CARMIL1: variants seen among roughly 807,000 people sequenced by gnomAD.
CARMIL1 encodes the protein capping protein regulator and myosin 1 linker 1, also known as F-actin-uncapping protein LRRC16A.
A neutral mutation model predicts 177.1 loss-of-function variants in CARMIL1; 90 were observed. The ratio of observed to expected loss-of-function variants is 0.51; its 90% CI spans 0.43 to 0.61. CARMIL1 has a LOEUF of 0.61. CARMIL1 is among the 20% of genes least tolerant of loss of function. The probability of loss-of-function intolerance (pLI) is 0.00; values close to 1 mark genes in which losing one functional copy is unlikely to be tolerated. For missense variants in CARMIL1, 1,380 were observed against 1,667.0 expected, an observed-to-expected ratio of 0.83 and a Z score of 3.00; for synonymous variants, 577 against 606.2, an observed-to-expected ratio of 0.95 and a Z score of 0.71.
rs568919743 is a variant in CARMIL1 at position 25,284,798 on chromosome 6, C to CTT, written c.41-5_41-4dup. The CTT allele has an allele frequency of 4.0e-4, 493 of 1,226,536 alleles. No individual in the cohort carries two copies. The highest frequency in any genetic ancestry group is 4.8e-4 in the Non-Finnish European group (424 of 887,398). 76.0% of individuals were successfully genotyped at this position (1,226,536 alleles called of 1,614,324 possible). A position where few individuals can be genotyped will look rare whatever the true frequency, so the allele number is the denominator to read the frequency against. ...TTTTTTCTTATTAATAACATAATTC[C>CTT]TTTTTTTTTTCAGAAAGCATAAAGG... is the stretch of plus-strand genomic sequence containing the variant. On this transcript the variant is annotated splice_polypyrimidine_tract_variant and intron_variant, in intron 1 of 36. Coordinates refer to ENST00000329474, the MANE Select transcript of CARMIL1 (RefSeq NM_017640.6).
chr6:25,520,223 ATTAT>A lies in CARMIL1; in HGVS notation c.1875-18_1875-15del. ...TAGGAAGTTATTTTTAAATAAGTAT[ATTAT>A]TTTCTCCTTTTTCTAGGAACTACAC... is the stretch of plus-strand genomic sequence containing the variant. On this transcript the variant is annotated splice_polypyrimidine_tract_variant and intron_variant, in intron 22 of 36. Transcript: ENST00000329474. 1 of 1,149,134 alleles carries A rather than the reference ATTAT, an allele frequency of 8.7e-7. No homozygotes were observed. The highest frequency in any genetic ancestry group is 1.2e-6 in the Non-Finnish European group (1 of 802,460). 71.2% of individuals were successfully genotyped at this position (1,149,134 alleles called of 1,614,324 possible). A position where few individuals can be genotyped will look rare whatever the true frequency, so the allele number is the denominator to read the frequency against.
intron 28 of CARMIL1, among the ~76,000 whole-genome samples, chr6:25,555,420 G>T (rs1460993202): frequency 2.0e-5 from 3 of 146,834 alleles, no homozygotes; most frequent in Non-Finnish European, 3.0e-5. Context: ...CATTCATTCA[G>T]GATGGAGTCT....
At chr6:25,490,288 A>G (rs1803074724) in intron 13 of CARMIL1, among the ~76,000 whole-genome samples, 1 of 152,240 alleles carries the variant, frequency 6.6e-6, no homozygotes, top group African/African-American at 2.4e-5. Context: ...GAGCAAAGCC[A>G]CAGTAAACTT....
At chr6:25,536,282 AT>A (rs1808294285) in intron 24 of CARMIL1, among the ~76,000 whole-genome samples, 1 of 152,158 alleles carries the variant, frequency 6.6e-6, no homozygotes, top group Non-Finnish European at 1.5e-5. Flanking sequence ...ATCAATTAAG[AT>A]TTTAAAAAAC....
intron 31 of CARMIL1, among the ~76,000 whole-genome samples, chr6:25,586,465 C>T (rs1480965976): frequency 6.8e-6 from 1 of 147,010 alleles, no homozygotes; most frequent in African/African-American, 2.7e-5. Flanking sequence ...CTCCTCACTT[C>T]CCAGACTGGG....
chr6:25,544,012 G>A (rs1037144474), intron 26 of CARMIL1, among the ~76,000 whole-genome samples: 5 of 151,974 alleles, frequency 3.3e-5, no homozygotes, highest in Admixed American at 6.6e-5. Flanking sequence ...AAACAAAATC[G>A]GATTATCATA....
intron 2 of CARMIL1, among the ~76,000 whole-genome samples, chr6:25,334,586 T>C (rs1786023324): frequency 6.6e-6 from 1 of 152,256 alleles, no homozygotes; most frequent in Non-Finnish European, 1.5e-5. Context: ...GATTTTGTTA[T>C]CATTTAAAAC....
chr6:25,569,862 G>T (rs1395718277), intron 29 of CARMIL1, among the ~76,000 whole-genome samples: 1 of 151,840 alleles, frequency 6.6e-6, no homozygotes, highest in Non-Finnish European at 1.5e-5. Context: ...TACTCAGTAG[G>T]GTTTTCCCCT....
At chr6:25,590,624 A>T (rs7738866) in intron 31 of CARMIL1, among the ~76,000 whole-genome samples, 23,174 of 151,902 alleles carry the variant, frequency 0.15, 1,856 homozygotes, top group Middle Eastern at 0.21. Flanking sequence ...TGTGCATGTG[A>T]TACTTGTATG....
In CARMIL1 at chr6:25,471,254, G is replaced by A; in HGVS notation, c.776G>A (p.Arg259Lys). ...TTGGTGTTGGAAAATGCTGGACTTA[G>A]AACGTGAGTATTTTCCTGAATATAT... ...EELVLENAGLRTDFAQKLASA... is the reference protein window; with the variant it reads ...EELVLENAGLKTDFAQKLASA... Residue 259 changes from arginine to lysine, a missense_variant, in exon 10 of 37, where the codon AGA (arginine) becomes AAA (lysine). Coordinates refer to ENST00000329474, the MANE Select transcript of CARMIL1 (RefSeq NM_017640.6). The A allele has an allele frequency of 6.2e-7, 1 of 1,607,036 alleles. No individual in the cohort carries two copies. Among genetic ancestry groups the A allele is most frequent in the Non-Finnish European group, 8.5e-7 (1 of 1,174,398 alleles).
At chr6:25,286,160 A>G (rs1382215804) in intron 2 of CARMIL1, among the ~76,000 whole-genome samples, 2 of 152,258 alleles carry the variant, frequency 1.3e-5, no homozygotes, top group Non-Finnish European at 2.9e-5. Flanking sequence ...GGCATGAGCC[A>G]CTGTGCGTGG....
intron 11 of CARMIL1, among the ~76,000 whole-genome samples, chr6:25,476,499 T>G (rs1258965816): frequency 6.6e-6 from 1 of 152,246 alleles, no homozygotes. Flanking sequence ...TTCTTTACTC[T>G]TGGGGATGAG....
intron 5 of CARMIL1, among the ~76,000 whole-genome samples, chr6:25,443,433 A>T (rs1797946496): frequency 6.6e-6 from 1 of 152,238 alleles, no homozygotes. Flanking sequence ...GACAAAAATC[A>T]TGCTGCACTT....
intron 2 of CARMIL1, among the ~76,000 whole-genome samples, chr6:25,366,462 T>G (rs1483353833): frequency 6.6e-6 from 1 of 151,878 alleles, no homozygotes; most frequent in African/African-American, 2.4e-5. Context: ...CTCACCCCAT[T>G]CTGCTTTACT....
At chr6:25,304,526 C>A (rs1783115166) in intron 2 of CARMIL1, among the ~76,000 whole-genome samples, 1 of 152,174 alleles carries the variant, frequency 6.6e-6, no homozygotes, top group Admixed American at 6.5e-5. Flanking sequence ...GCTTCCCTCG[C>A]ATGTGCAGTT....
At chr6:25,426,477 T>C (rs1449194413) in intron 3 of CARMIL1, 24 bp from the exon 4 acceptor site, 5 of 1,602,982 alleles carry the variant, frequency 3.1e-6, no homozygotes, top group Non-Finnish European at 4.3e-6. Flanking sequence ...GGTCTTTTCT[T>C]TCCTCCTTTC....
At chr6:25,505,488 T>C (rs1804823538) in intron 17 of CARMIL1, among the ~76,000 whole-genome samples, 1 of 152,176 alleles carries the variant, frequency 6.6e-6, no homozygotes, top group South Asian at 2.1e-4. Context: ...AGTTTTGCTC[T>C]GTCACCAAGG....
At chr6:25,404,102 C>T (rs1794136072) in intron 2 of CARMIL1, among the ~76,000 whole-genome samples, 1 of 152,218 alleles carries the variant, frequency 6.6e-6, no homozygotes, top group African/African-American at 2.4e-5. Flanking sequence ...TGCCTCCCCT[C>T]CACTTCTAAG....
At chr6:25,383,946 C>T (rs958447282) in intron 2 of CARMIL1, among the ~76,000 whole-genome samples, 2 of 152,140 alleles carry the variant, frequency 1.3e-5, no homozygotes, top group Non-Finnish European at 2.9e-5. Context: ...TCAAGCAATT[C>T]TCCCTGCCTC....
Sources: gnomAD v4.1 joint callset for allele counts (sites outside exome capture counted in the v4.1 genomes callset) on GRCh38, gnomAD v4.1.1 for gene constraint, MANE v1.5 for transcripts, NCBI Gene and HGNC (gene_info 2026-07-23, HGNC 2026-07-21) for gene names.